The following IL1RL2 variants were observed in gnomAD, a reference collection of about 807,000 sequenced individuals.
IL1RL2 encodes interleukin 1 receptor like 2.
In IL1RL2, 68 loss-of-function variants were observed where a neutral mutation model predicts 66.8. The observed-to-expected ratio is 1.02, with a 90% CI of 0.84 to 1.25. IL1RL2 has a LOEUF of 1.25. IL1RL2 is among the 50% of genes most tolerant of loss of function. The probability of loss-of-function intolerance (pLI) is 0.00; values close to 1 mark genes in which losing one functional copy is unlikely to be tolerated. For missense variants in IL1RL2, 729 were observed against 709.3 expected (o/e 1.03, Z -0.32); for synonymous variants, 305 against 264.6 (o/e 1.15, Z -1.48).
intron 6 of IL1RL2, among the ~76,000 whole-genome samples, chr2:102,214,941 A>T (rs1224182481): frequency 6.7e-6 from 1 of 149,456 alleles, no homozygotes; most frequent in East Asian, 1.9e-4. Context: ...AAATGATGGA[A>T]TCCCTGTGGA....
chr2:102,238,445 C>T (rs369260532), intron 11 of IL1RL2, among the ~76,000 whole-genome samples: 5 of 152,152 alleles, frequency 3.3e-5, no homozygotes, highest in South Asian at 2.1e-4. Context: ...GAGGAGCTGG[C>T]CTGCCAAAAT....
chr2:102,231,829 C>T lies in IL1RL2; in HGVS notation c.1136-1134C>T, dbSNP rs116687629. 1.9e-3 allele frequency among the ~76,000 whole-genome samples: 288 copies of T among 152,242 alleles called. 1 individual carries two copies. The highest frequency in any genetic ancestry group is 6.5e-3 in the African/African-American group (270 of 41,538). ...CAGATTACTAGAGTCTGCTCAATTG[C>T]TTTTTCTCTTGTTTCACAGATGTGA... On this transcript the variant is annotated intron_variant, in intron 9 of 11. Transcript: ENST00000264257.
chr2:102,221,304 C>T (rs759070728), intron 8 of IL1RL2, among the ~76,000 whole-genome samples: 4 of 152,142 alleles, frequency 2.6e-5, no homozygotes, highest in Non-Finnish European at 5.9e-5. Flanking sequence ...CCTCAAATCT[C>T]TTTCCCCTTT....
At chr2:102,213,456 T>C (rs1399825906) in intron 6 of IL1RL2, among the ~76,000 whole-genome samples, 1 of 152,168 alleles carries the variant, frequency 6.6e-6, no homozygotes, top group African/African-American at 2.4e-5. Flanking sequence ...TTCTACAATA[T>C]AAACATATAT....
In IL1RL2 at chr2:102,218,139, G is replaced by A. The variant is rs564327998; in HGVS notation, c.725-814G>A. Among the ~76,000 whole-genome samples the A allele has an allele frequency of 4.6e-5, 7 of 152,184 alleles. No individual in the cohort carries two copies. In the South Asian group the frequency reaches 1.5e-3, roughly 32 times the overall value. On this transcript the variant is annotated intron_variant, in intron 6 of 11. Transcript: ENST00000264257. ...CAACAAATAATTTGATTAAAAAATGGACAGAAGACATTGCTTCTGGGATTC... is the reference window on the plus strand; with the variant it reads ...CAACAAATAATTTGATTAAAAAATGAACAGAAGACATTGCTTCTGGGATTC...
At position 102,234,802 on chromosome 2, in the gene IL1RL2, A is replaced by G. The variant is rs1007030387; in HGVS notation, c.1298-95A>G. ...ACTTCACTTCAAAAAAAAAAAGTCA[A>G]TTTTCTCCTGGCCTGTTTCAAACAT... is the stretch of plus-strand genomic sequence containing the variant. On this transcript the variant is annotated intron_variant, in intron 10 of 11. Transcript: ENST00000264257. 3.1e-5 allele frequency: 39 copies of G among 1,247,456 alleles called. 1 individual carries two copies. The highest frequency in any genetic ancestry group is 3.0e-5 in the African/African-American group (2 of 66,376). The allele number at this position is 1,247,456 out of a possible 1,614,324, so 77.3% of individuals were successfully genotyped here.
chr2:102,242,607 T>A (rs1254419556), downstream of IL1RL2, among the ~76,000 whole-genome samples: 1 of 152,118 alleles, frequency 6.6e-6, no homozygotes, highest in Non-Finnish European at 1.5e-5. Flanking sequence ...GGAGAAGAAT[T>A]CCTCCTTCTT....
intron 8 of IL1RL2, among the ~76,000 whole-genome samples, chr2:102,220,674 AGTGTATGTGT>A (rs1690031822): frequency 1.6e-5 from 2 of 124,056 alleles, no homozygotes; most frequent in South Asian, 4.5e-4. Context: ...TAATATCATT[AGTGTATGTGT>A]GTGTGTGTGT....
intron 4 of IL1RL2, among the ~76,000 whole-genome samples, chr2:102,195,710 T>C (rs1687720815): frequency 8.1e-6 from 1 of 124,018 alleles, no homozygotes; most frequent in Admixed American, 8.0e-5. Flanking sequence ...TCCTTCTTTC[T>C]TTCTTTTTTT....
At chr2:102,204,362 T>G (rs536154640) in intron 5 of IL1RL2, among the ~76,000 whole-genome samples, 307 of 152,262 alleles carry the variant, frequency 2.0e-3, no homozygotes, top group Non-Finnish European at 3.6e-3. Context: ...CTACAGCCAT[T>G]GGATGAAACG....
rs746265279 is a variant in IL1RL2 at position 102,192,124 on chromosome 2, A to G, written c.489+4A>G. On this transcript the variant is annotated splice_donor_region_variant and intron_variant, in intron 4 of 11. Transcript: ENST00000264257. ...GGGTCCAATAAAGTGGTATAAGGTA[A>G]AAAAGAATTTTCTTATTGATATTTT... 1.3e-6 allele frequency: 2 copies of G among 1,545,886 alleles called. No individual in the cohort carries two copies. Among genetic ancestry groups the G allele is most frequent in the Admixed American group, 4.5e-5 (2 of 44,342 alleles).
chr2:102,224,134 A>G (rs778464807), intron 8 of IL1RL2, among the ~76,000 whole-genome samples: 1 of 152,218 alleles, frequency 6.6e-6, no homozygotes, highest in African/African-American at 2.4e-5. Context: ...TGAGTATTTT[A>G]TAGCCACTGT....
At chr2:102,189,731 C>A (rs7421586) in intron 3 of IL1RL2, among the ~76,000 whole-genome samples, 24,656 of 152,222 alleles carry the variant, frequency 0.16, 2,487 homozygotes, top group Admixed American at 0.29. Flanking sequence ...GATTCTCCTG[C>A]CTCAGCTTCC....
At chr2:102,229,244 G>A (rs1690909217) in intron 9 of IL1RL2, among the ~76,000 whole-genome samples, 2 of 152,222 alleles carry the variant, frequency 1.3e-5, no homozygotes, top group South Asian at 2.1e-4. Flanking sequence ...TTTTAAGGGA[G>A]TGGAAATAGA....
At chr2:102,194,439 G>T (rs7562706) in intron 4 of IL1RL2, among the ~76,000 whole-genome samples, 8,015 of 152,156 alleles carry the variant, frequency 0.053, 568 homozygotes, top group African/African-American at 0.16. Flanking sequence ...AATTTTGTGG[G>T]ACATATTACA....
intron 9 of IL1RL2, among the ~76,000 whole-genome samples, chr2:102,227,788 C>A (rs1444956757): frequency 6.6e-6 from 1 of 152,118 alleles, no homozygotes; most frequent in African/African-American, 2.4e-5. Context: ...GCTCAGGCCC[C>A]ATGGTGTGTC....
chr2:102,207,834 C>T (rs1688832520), intron 5 of IL1RL2, among the ~76,000 whole-genome samples: 1 of 152,172 alleles, frequency 6.6e-6, no homozygotes, highest in South Asian at 2.1e-4. Context: ...CCCTGTGGCC[C>T]AGACTGCCTC....
At chr2:102,216,506 G>GT (rs1164697807) in intron 6 of IL1RL2, among the ~76,000 whole-genome samples, 1 of 151,812 alleles carries the variant, frequency 6.6e-6, no homozygotes, top group African/African-American at 2.4e-5. Context: ...GTTGGTTCTT[G>GT]TTTTTTTCTT....
chr2:102,217,317 T>C (rs1176333799), intron 6 of IL1RL2, among the ~76,000 whole-genome samples: 1 of 152,204 alleles, frequency 6.6e-6, no homozygotes, highest in Admixed American at 6.5e-5. Context: ...TTAATATTGT[T>C]CAAATGTCCA....
Sources: allele counts gnomAD v4.1 joint callset (sites outside exome capture counted in the v4.1 genomes callset), GRCh38; gene constraint gnomAD v4.1.1; transcripts MANE v1.5; gene names NCBI Gene and HGNC (gene_info 2026-07-23, HGNC 2026-07-21).